The following SLC71A1 variants were observed in gnomAD, a reference collection of about 807,000 sequenced individuals.
The protein encoded by SLC71A1 is solute carrier family 71 member 1.
chr1:100,072,771 C>T, the SLC71A1 span, among the ~76,000 whole-genome samples: 9 of 152,060 alleles, frequency 5.9e-5, no homozygotes, highest in Admixed American at 3.9e-4. Flanking sequence ...ATCATCAGCC[C>T]CATTACTTCC....
At chr1:100,043,518 A>C in the SLC71A1 span, among the ~76,000 whole-genome samples, 2 of 152,228 alleles carry the variant, frequency 1.3e-5, no homozygotes, top group Admixed American at 6.5e-5. Context: ...AAGTATATGC[A>C]GCATACCTGT....
At chr1:100,046,732 C>T in the SLC71A1 span, among the ~76,000 whole-genome samples, 4 of 151,986 alleles carry the variant, frequency 2.6e-5, no homozygotes, top group Non-Finnish European at 5.9e-5. Context: ...AAATATCTTC[C>T]CATTTGTGTG....
the SLC71A1 span, among the ~76,000 whole-genome samples, chr1:100,040,177 C>T: frequency 6.6e-6 from 1 of 152,128 alleles, no homozygotes; most frequent in Non-Finnish European, 1.5e-5. Context: ...ATGTTTGGAT[C>T]CCACAGGGCC....
At chr1:100,070,689 A>C in the SLC71A1 span, among the ~76,000 whole-genome samples, 1 of 152,174 alleles carries the variant, frequency 6.6e-6, no homozygotes, top group African/African-American at 2.4e-5. Context: ...ATTCTCTCAC[A>C]TCACAGAACA....
chr1:100,067,750 C>T, the SLC71A1 span, among the ~76,000 whole-genome samples: 5 of 152,190 alleles, frequency 3.3e-5, no homozygotes, highest in East Asian at 9.7e-4. Context: ...GTCAAGACTA[C>T]AGTGAGCCGT....
chr1:100,042,010 C>T, the SLC71A1 span, among the ~76,000 whole-genome samples: 1 of 151,854 alleles, frequency 6.6e-6, no homozygotes, highest in Admixed American at 6.6e-5. Context: ...ATAAAAATAC[C>T]TTCTGACATT....
the SLC71A1 span, among the ~76,000 whole-genome samples, chr1:100,044,762 C>T: frequency 2.0e-5 from 3 of 152,156 alleles, no homozygotes; most frequent in African/African-American, 7.2e-5. Flanking sequence ...AGGTGATCCA[C>T]CCGCCTTGGC....
the SLC71A1 span, chr1:100,049,883 T>G: frequency 7.6e-7 from 1 of 1,309,834 alleles, no homozygotes; most frequent in South Asian, 1.3e-5. Flanking sequence ...TTTTTTTAAC[T>G]TTTTAAAAAA....
chr1:100,082,305 T>G, the SLC71A1 span: 1 of 941,040 alleles, frequency 1.1e-6, no homozygotes, highest in Non-Finnish European at 1.6e-6. Flanking sequence ...CAGTGTACTT[T>G]AAGATTGTCT....
the SLC71A1 span, chr1:100,080,328 A>G: frequency 1.7e-6 from 1 of 581,270 alleles, no homozygotes; most frequent in South Asian, 2.3e-5. Context: ...CACTTTGTAG[A>G]GCTGATAGCT....
the SLC71A1 span, among the ~76,000 whole-genome samples, chr1:100,052,853 G>A: frequency 1.3e-5 from 2 of 151,022 alleles, no homozygotes; most frequent in Non-Finnish European, 2.9e-5. Context: ...GTGCAACCTT[G>A]GCTCACTGCA....
At chr1:100,041,112 T>TAA in the SLC71A1 span, among the ~76,000 whole-genome samples, 1 of 152,220 alleles carries the variant, frequency 6.6e-6, no homozygotes, top group East Asian at 1.9e-4. Flanking sequence ...ACAAAACTAG[T>TAA]AAGAGTTGTT....
At chr1:100,061,995 T>A in the SLC71A1 span, 1 of 1,119,932 alleles carries the variant, frequency 8.9e-7, no homozygotes, top group Admixed American at 1.9e-5. Context: ...GAGAAATGCC[T>A]TGTTTTTAAG....
chr1:100,038,364 GTC>G, the SLC71A1 span: 1 of 1,480,906 alleles, frequency 6.8e-7, no homozygotes, highest in African/African-American at 1.4e-5. Context: ...CCCCCATCCG[GTC>G]TCTCCTTCAG....
chr1:100,058,491 A>G, the SLC71A1 span, among the ~76,000 whole-genome samples: 2 of 152,226 alleles, frequency 1.3e-5, no homozygotes, highest in African/African-American at 4.8e-5. Context: ...GCCCTGTGAC[A>G]TATTAAGTAC....
chr1:100,059,144 G>GTTGTTTTT, the SLC71A1 span, among the ~76,000 whole-genome samples: 1 of 75,416 alleles, frequency 1.3e-5, no homozygotes, highest in East Asian at 4.2e-4. Flanking sequence ...TCTTTTTCGT[G>GTTGTTTTT]TTTTTTTTTT....
chr1:100,054,333 C>T, the SLC71A1 span, among the ~76,000 whole-genome samples: 6,608 of 152,164 alleles, frequency 0.043, 332 homozygotes, highest in African/African-American at 0.12. Flanking sequence ...CTGCCTCAGC[C>T]TCCCAAGTAT....
At chr1:100,043,988 G>T in the SLC71A1 span, among the ~76,000 whole-genome samples, 1 of 152,210 alleles carries the variant, frequency 6.6e-6, no homozygotes, top group Non-Finnish European at 1.5e-5. Flanking sequence ...TATCTTTGCA[G>T]TTGTGAATTG....
At chr1:100,066,582 A>C in the SLC71A1 span, among the ~76,000 whole-genome samples, 10 of 152,146 alleles carry the variant, frequency 6.6e-5, no homozygotes, top group Non-Finnish European at 1.3e-4. Flanking sequence ...AGCGTGGCCC[A>C]GGGAAGCCAA....
Sources: gnomAD v4.1 joint callset for allele counts (sites outside exome capture counted in the v4.1 genomes callset) on GRCh38, gnomAD v4.1.1 for gene constraint, MANE v1.5 for transcripts, NCBI Gene and HGNC (gene_info 2026-07-23, HGNC 2026-07-21) for gene names.